The following MAF variants were observed in gnomAD, a reference collection of about 807,000 sequenced individuals.
MAF encodes transcription factor Maf.
MAF carries 10 observed loss-of-function variants against 22.0 expected under a neutral mutation model. The ratio of observed to expected loss-of-function variants is 0.45; its 90% confidence interval spans 0.28 to 0.77. The LOEUF (loss-of-function observed/expected upper bound fraction) is 0.77, where lower values mean the gene tolerates loss of function less well. Ranked by LOEUF, MAF falls within the 30% of genes least tolerant of loss-of-function variation. The pLI, the probability that MAF is intolerant of heterozygous loss-of-function variation, is 0.12. For missense variants in MAF, 544 were observed against 548.4 expected (o/e 0.99, Z 0.08); for synonymous variants, 337 against 255.8 (o/e 1.32, Z -3.03).
chr16:79,240,487 GAAAAAAAAAAAAAAAAAAAAAAAAAAAAA>G, the MAF span, among the ~76,000 whole-genome samples: 1 of 60,694 alleles, frequency 1.6e-5, no homozygotes, highest in African/African-American at 3.2e-5. Flanking sequence ...AGCATCTCTG[GAAAAAAAAAAAAAAAAAAAAAAAAAAAAA>G]AAAAAAAAAA....
At chr16:79,363,441 T>A in the MAF span, among the ~76,000 whole-genome samples, 1 of 152,222 alleles carries the variant, frequency 6.6e-6, no homozygotes, top group Non-Finnish European at 1.5e-5. Flanking sequence ...CAAAATCATC[T>A]AACACAAAAC....
chr16:79,549,808 T>C, the MAF span, among the ~76,000 whole-genome samples: 1 of 152,156 alleles, frequency 6.6e-6, no homozygotes, highest in Admixed American at 6.5e-5. Flanking sequence ...ACAGATTGAA[T>C]CTAGGGATGG....
At chr16:79,260,886 C>G in the MAF span, among the ~76,000 whole-genome samples, 1 of 151,586 alleles carries the variant, frequency 6.6e-6, no homozygotes, top group African/African-American at 2.4e-5. Context: ...TAGCAAAGTA[C>G]AAAATCCAGG....
chr16:79,525,957 A>G, the MAF span, among the ~76,000 whole-genome samples: 2 of 152,216 alleles, frequency 1.3e-5, no homozygotes, highest in African/African-American at 4.8e-5. Flanking sequence ...ACGTGAGGAC[A>G]TCAGCTTCCT....
chr16:79,403,698 A>G, the MAF span, among the ~76,000 whole-genome samples: 2 of 152,326 alleles, frequency 1.3e-5, no homozygotes, highest in South Asian at 4.1e-4. Context: ...TTGGTCTCCT[A>G]TATGGACTAT....
At chr16:79,256,137 A>G in the MAF span, among the ~76,000 whole-genome samples, 4 of 149,170 alleles carry the variant, frequency 2.7e-5, no homozygotes, top group African/African-American at 9.8e-5. Context: ...ACATGCCACG[A>G]CGCCCAGCTA....
chr16:79,235,545 C>G, the MAF span, among the ~76,000 whole-genome samples: 1 of 151,780 alleles, frequency 6.6e-6, no homozygotes, highest in Non-Finnish European at 1.5e-5. Context: ...TAAAAAAAAC[C>G]AGAAGAAATT....
At chr16:79,472,413 T>C in the MAF span, among the ~76,000 whole-genome samples, 4 of 152,268 alleles carry the variant, frequency 2.6e-5, no homozygotes, top group East Asian at 7.7e-4. Flanking sequence ...ATATGTTCTA[T>C]CCATACAATG....
chr16:79,212,762 C>G, the MAF span: 2 of 151,918 alleles, frequency 1.3e-5, no homozygotes, highest in African/African-American at 4.8e-5. Flanking sequence ...AAATAAAGCG[C>G]TTCTAATAAA....
the MAF span, chr16:79,203,238 C>G: frequency 1.1e-4 from 16 of 152,278 alleles, no homozygotes; most frequent in South Asian, 6.2e-4. Flanking sequence ...AAATGAGACA[C>G]TCTCCACAGT....
the MAF span, among the ~76,000 whole-genome samples, chr16:79,324,665 C>A: frequency 6.6e-6 from 1 of 152,086 alleles, no homozygotes; most frequent in Non-Finnish European, 1.5e-5. Context: ...GTGCAGGGCA[C>A]CCACCACCTC....
chr16:79,251,316 C>CTTT, the MAF span, among the ~76,000 whole-genome samples: 41,610 of 131,450 alleles, frequency 0.32, 7,141 homozygotes, highest in African/African-American at 0.35. Context: ...AAGTCTTTAT[C>CTTT]TTTTTTTTTT....
At chr16:79,587,208 A>G (rs570499544) in intron 1 of MAF, among the ~76,000 whole-genome samples, 2 of 152,354 alleles carry the variant, frequency 1.3e-5, no homozygotes, top group Admixed American at 6.5e-5. Context: ...CACATTTTGT[A>G]TAGAAATGCT....
At chr16:79,503,552 C>A in the MAF span, among the ~76,000 whole-genome samples, 2 of 152,152 alleles carry the variant, frequency 1.3e-5, no homozygotes, top group Admixed American at 1.3e-4. Flanking sequence ...GATCATACTG[C>A]CTTCTTTTGA....
chr16:79,508,805 G>C, the MAF span, among the ~76,000 whole-genome samples: 1 of 152,152 alleles, frequency 6.6e-6, no homozygotes, highest in East Asian at 1.9e-4. Flanking sequence ...CTGAAATGTC[G>C]AGAAGAGGCA....
the MAF span, chr16:79,203,928 A>T: frequency 6.6e-6 from 1 of 152,272 alleles, no homozygotes. Context: ...GTTTCAAATA[A>T]ACACACACTA....
the MAF span, among the ~76,000 whole-genome samples, chr16:79,413,835 C>A: frequency 6.6e-6 from 1 of 152,142 alleles, no homozygotes; most frequent in Non-Finnish European, 1.5e-5. Flanking sequence ...GGGTAAAGCA[C>A]ATTATGATAA....
At chr16:79,230,176 A>G in the MAF span, among the ~76,000 whole-genome samples, 1 of 152,056 alleles carries the variant, frequency 6.6e-6, no homozygotes. Context: ...TACACAGTTA[A>G]CTTTCTGGAG....
chr16:79,392,156 G>T, the MAF span, among the ~76,000 whole-genome samples: 4 of 149,760 alleles, frequency 2.7e-5, no homozygotes, highest in African/African-American at 9.9e-5. Context: ...GAGAGAGAGT[G>T]AAGGAAGGAG....
Sources: allele counts gnomAD v4.1 joint callset (sites outside exome capture counted in the v4.1 genomes callset), GRCh38; gene constraint gnomAD v4.1.1; transcripts MANE v1.5; gene names NCBI Gene and HGNC (gene_info 2026-07-23, HGNC 2026-07-21).